The following NOL11 variants were observed in gnomAD, a reference collection of about 807,000 sequenced individuals.
NOL11 encodes nucleolar protein 11.
In NOL11, 42 loss-of-function variants were observed where a neutral mutation model predicts 93.0. That is an observed-to-expected ratio of 0.45 (90% CI 0.35 to 0.58). The LOEUF is 0.58. Among genes scored for constraint, NOL11 ranks in the 20% least tolerant of loss-of-function variants. NOL11 has a pLI of 0.00. For synonymous variants in NOL11, 296 were observed against 293.7 expected, an observed-to-expected ratio of 1.01 and a Z score of -0.08; for missense variants, 775 against 841.8, an observed-to-expected ratio of 0.92 and a Z score of 0.98.
At chr17:67,733,954 TTG>T (rs2055177907) in intron 7 of NOL11, among the ~76,000 whole-genome samples, 1 of 152,202 alleles carries the variant, frequency 6.6e-6, no homozygotes, top group Admixed American at 6.5e-5. Context: ...TGTAGTTTTT[TTG>T]TGTGGTGTCT....
chr17:67,735,941 ATC>A lies in NOL11; in HGVS notation c.976_977del (p.Leu326AsnfsTer8). 6.2e-7 allele frequency: 1 copy of A among 1,612,292 alleles called. No individual in the cohort carries two copies. Among genetic ancestry groups the A allele is most frequent in the South Asian group, 1.1e-5 (1 of 90,786 alleles). ...AACATTTGTTTATGCTACATGGAAAATCTCTAACTGTGATTCCATACAAGTGT... is the reference window on the plus strand; with the variant it reads ...AACATTTGTTTATGCTACATGGAAAATCTAACTGTGATTCCATACAAGTGT... ...GEHLFMLHGK[S>X]LTVIPYKCEV... On this transcript the variant is annotated frameshift_variant, in exon 9 of 18. Coordinates refer to ENST00000253247, the MANE Select transcript of NOL11 (RefSeq NM_015462.5). LOFTEE classifies it high-confidence loss of function.
chr17:67,721,408 G>C lies in NOL11; in HGVS notation c.343G>C (p.Val115Leu), dbSNP rs568124045. 6.2e-7 allele frequency: 1 copy of C among 1,607,920 alleles called. No individual in the cohort carries two copies. Among genetic ancestry groups the C allele is most frequent in the African/African-American group, 1.3e-5 (1 of 74,696 alleles). ...LSAEVYRILS[V>L]QGTEPLVLFK... ...AGCAGAAGTATATAGGATACTTTCA[G>C]TGCAAGGGACAGAACCCTTGGTGCT... Residue 115 changes from valine to leucine, a missense_variant, in exon 4 of 18, where the codon GTG (valine) becomes CTG (leucine). By Grantham distance (32) the Val-to-Leu change is conservative. This residue lies in a region of NOL11 where 359 missense variants were observed against 316.5 expected (regional missense o/e 1.13). Transcript: ENST00000253247.
chr17:67,735,581 C>T (rs1427741195), intron 8 of NOL11, among the ~76,000 whole-genome samples: 3 of 151,682 alleles, frequency 2.0e-5, no homozygotes, highest in Non-Finnish European at 2.9e-5. Flanking sequence ...TTTGCCCATG[C>T]TATAGTAGCC....
In NOL11 at chr17:67,736,861, A is replaced by G. The variant is rs761306544; in HGVS notation, c.1143+107A>G. 3.6e-5 allele frequency: 32 copies of G among 881,328 alleles called. No homozygotes were observed. In the African/African-American group the frequency reaches 3.9e-4, roughly 11 times the overall value. The allele number at this position is 881,328 out of a possible 1,614,324, so 54.6% of individuals were successfully genotyped here. A position where few individuals can be genotyped will look rare whatever the true frequency, so the allele number is the denominator to read the frequency against. On this transcript the variant is annotated intron_variant, in intron 10 of 17. Coordinates refer to ENST00000253247, the MANE Select transcript of NOL11 (RefSeq NM_015462.5). ...CCTTACAACTCTTAGAGCTTTGACT[A>G]TAATGACAGGACAGTTTGCGGCTTG...
intron 7 of NOL11, among the ~76,000 whole-genome samples, chr17:67,728,221 C>T (rs994955772): frequency 1.3e-5 from 2 of 152,052 alleles, no homozygotes; most frequent in Non-Finnish European, 2.9e-5. Flanking sequence ...GATCACACCA[C>T]TGCACTCCAG....
chr17:67,739,613 G>A lies in NOL11; in HGVS notation c.1935+5G>A. ...CACCCACCTACCTTGAACCAGGTGA[G>A]ATTATTTTTTTACTTTGATTTGGTG... is the stretch of plus-strand genomic sequence containing the variant. On this transcript the variant is annotated splice_donor_5th_base_variant and intron_variant, in intron 16 of 17. Transcript: ENST00000253247. 1 of 1,549,554 alleles carries A rather than the reference G, an allele frequency of 6.5e-7. No homozygotes were observed. The highest frequency in any genetic ancestry group is 8.8e-7 in the Non-Finnish European group (1 of 1,141,506).
rs113739673 is a variant in NOL11, at chr17:67,723,740, C to G, written c.520-309C>G. Among the ~76,000 whole-genome samples the G allele has an allele frequency of 6.0e-3, 853 of 142,232 alleles. 4 individuals are homozygous for G. The highest frequency in any genetic ancestry group is 0.021 in the African/African-American group (825 of 38,462). 93.3% of individuals were successfully genotyped at this position (142,232 alleles called of 152,430 possible). On this transcript the variant is annotated intron_variant, in intron 5 of 17. Coordinates refer to ENST00000253247, the MANE Select transcript of NOL11 (RefSeq NM_015462.5). ...AAGGCTGGGTGTGGTGACCTCATCT[C>G]TATTAAAAAAAAAAAAATAGTGTAG...
intron 3 of NOL11, among the ~76,000 whole-genome samples, 190 bp from the exon 4 acceptor site, chr17:67,721,188 G>T (rs1389691102): frequency 6.6e-6 from 1 of 152,186 alleles, no homozygotes; most frequent in Non-Finnish European, 1.5e-5. Context: ...GAGAGGATAA[G>T]AGAAAAAGTT....
intron 5 of NOL11, 81 bp from the exon 6 acceptor site, chr17:67,723,968 G>C (rs764728385): frequency 1.2e-5 from 11 of 954,308 alleles, no homozygotes; most frequent in Non-Finnish European, 1.5e-5. Flanking sequence ...GTAGAATGGG[G>C]TGACAACTTC....
At chr17:67,729,977 A>T (rs1356538047) in intron 7 of NOL11, among the ~76,000 whole-genome samples, 1 of 150,374 alleles carries the variant, frequency 6.7e-6, no homozygotes, top group Non-Finnish European at 1.5e-5. Flanking sequence ...TCTTGCTACG[A>T]GCTCCTCCTG....
rs755793736 is a variant in NOL11, at chr17:67,726,580, G to C, written c.785G>C (p.Gly262Ala). The change falls in exon 7 of 18, where the codon GGA (glycine) becomes GCA (alanine). Residue 262 changes from glycine to alanine, a missense_variant. By Grantham distance (60) the Gly-to-Ala change is moderately conservative. Around this residue, in one of 2 missense-constraint regions of NOL11, gnomAD observed 359 missense variants for 316.5 expected, o/e 1.13. Transcript: ENST00000253247. Reference protein sequence around the residue: ...KAVVSGNARNGVALTALDQDH... With the variant: ...KAVVSGNARNAVALTALDQDH... Reference sequence around the variant, plus strand: ...GTTGTATCTGGTAACGCTCGAAATGGAGTTGCACTCACTGCCCTGGATCAG... The same window carrying C: ...GTTGTATCTGGTAACGCTCGAAATGCAGTTGCACTCACTGCCCTGGATCAG... 1 of 1,614,052 alleles carries C rather than the reference G, an allele frequency of 6.2e-7. No individual in the cohort carries two copies. Among genetic ancestry groups the C allele is most frequent in the Admixed American group, 1.7e-5 (1 of 59,982 alleles).
intron 5 of NOL11, among the ~76,000 whole-genome samples, chr17:67,723,457 C>T (rs1310362361): frequency 2.4e-5 from 3 of 124,154 alleles, no homozygotes; most frequent in Non-Finnish European, 3.2e-5. Flanking sequence ...GGCACAATCT[C>T]GGCTCACTGC....
rs545090667 is a variant in NOL11, at chr17:67,728,930, C to A, written c.853+2282C>A. ...GAAATTCATATAACATAAAATTAAT[C>A]GTTTTATTTTTTAAATTTTGTAATG... On this transcript the variant is annotated intron_variant, in intron 7 of 17. Transcript: ENST00000253247. Among the ~76,000 whole-genome samples the A allele has an allele frequency of 1.2e-3, 184 of 152,094 alleles. 1 individual carries two copies. Among genetic ancestry groups the A allele is most frequent in the Non-Finnish European group, 1.9e-3 (131 of 67,984 alleles).
chr17:67,719,778 C>T lies in NOL11; in HGVS notation c.246C>T (p.His82=), dbSNP rs771419043. 2.1e-5 allele frequency: 33 copies of T among 1,593,506 alleles called. No individual in the cohort carries two copies. Among genetic ancestry groups the T allele is most frequent in the Admixed American group, 6.8e-5 (4 of 58,932 alleles). ...AAACTGGAGAGTATGTTGTTGTACA[C>T]GATAATAAGGTGAGTTTTAAAACTT... ...NFQTGEYVVV[H]DNKVLRIWNN... The change falls in exon 2 of 18, where the codon CAC becomes CAT. Residue 82 remains histidine, a synonymous_variant. Transcript: ENST00000253247.
At position 67,738,937 on chromosome 17, in the gene NOL11, C is replaced by T. The variant is rs111806972; in HGVS notation, c.1769C>T (p.Ala590Val). The change falls in exon 15 of 18, where the codon GCA becomes GTA. Residue 590 changes from alanine to valine, a missense_variant. This residue lies in a region of NOL11 where 416 missense variants were observed against 525.2 expected (regional missense o/e 0.79). Coordinates refer to ENST00000253247, the MANE Select transcript of NOL11 (RefSeq NM_015462.5). ...GATTTTCCTTTAGTCCTAAGTAATG[C>T]AATTCTTCATTCAGCATATAGCGAG... ...VVQKRAALLN[A>V]ILHSAYSETF... 6.2e-7 allele frequency: 1 copy of T among 1,606,600 alleles called. No homozygotes were observed. Among genetic ancestry groups the T allele is most frequent in the Non-Finnish European group, 8.5e-7 (1 of 1,173,990 alleles).
chr17:67,725,268 A>G (rs1379543351), intron 6 of NOL11, among the ~76,000 whole-genome samples: 1 of 152,154 alleles, frequency 6.6e-6, no homozygotes, highest in Non-Finnish European at 1.5e-5. Context: ...TTGAATAGCA[A>G]CTGAGACAGA....
At chr17:67,736,999 T>G (rs1009551493) in intron 10 of NOL11, 72 bp from the exon 11 acceptor site, 2 of 1,023,792 alleles carry the variant, frequency 2.0e-6, no homozygotes, top group South Asian at 2.7e-5. Context: ...TTTGGAGTGT[T>G]TCATATCCCT....
Position 67,737,163 on chromosome 17 carries a change from A to C in NOL11, c.1218+18A>C. ...CCATAATGGTAAATAAATAATATTG[A>C]AATATGAAAAATCAAACTCAAGTGT... On this transcript the variant is annotated intron_variant, in intron 11 of 17. Coordinates refer to ENST00000253247, the MANE Select transcript of NOL11 (RefSeq NM_015462.5). 1.4e-6 allele frequency: 2 copies of C among 1,453,740 alleles called. No homozygotes were observed. Among genetic ancestry groups the C allele is most frequent in the Non-Finnish European group, 1.9e-6 (2 of 1,036,332 alleles). The allele number at this position is 1,453,740 out of a possible 1,614,324, so 90.1% of individuals were successfully genotyped here. A position where few individuals can be genotyped will look rare whatever the true frequency, so the allele number is the denominator to read the frequency against.
intron 11 of NOL11, 91 bp downstream of exon 11, chr17:67,737,236 A>G: frequency 1.2e-6 from 1 of 823,458 alleles, no homozygotes; most frequent in Non-Finnish European, 2.0e-6. Flanking sequence ...TTTTATGATC[A>G]TCTTTATACC....
Sources: allele counts gnomAD v4.1 joint callset (sites outside exome capture counted in the v4.1 genomes callset), GRCh38; gene constraint gnomAD v4.1.1; regional missense constraint gnomAD v4.1.1; transcripts MANE v1.5; gene names NCBI Gene and HGNC (gene_info 2026-07-23, HGNC 2026-07-21).